Variants in TBCA observed in about 807,000 individuals in gnomAD.
TBCA encodes tubulin folding cofactor A.
In TBCA, 6 loss-of-function variants were observed where a neutral mutation model predicts 15.8. The observed-to-expected ratio is 0.38, with a 90% CI of 0.21 to 0.75. The LOEUF (loss-of-function observed/expected upper bound fraction) is 0.75. TBCA is among the 30% of genes least tolerant of loss of function. TBCA has a pLI of 0.46. For missense variants in TBCA, 90 were observed against 131.2 expected, an observed-to-expected ratio of 0.69 and a Z score of 1.53; for synonymous variants, 32 against 42.3, an observed-to-expected ratio of 0.76 and a Z score of 0.94.
intron 2 of TBCA, among the ~76,000 whole-genome samples, chr5:77,702,797 AG>A (rs1730232335): frequency 1.3e-5 from 2 of 152,260 alleles, no homozygotes; most frequent in South Asian, 2.1e-4. Flanking sequence ...ATCTATAACA[AG>A]AAATTTAAAA....
chr5:77,738,223 TC>T (rs1312663059), intron 1 of TBCA, among the ~76,000 whole-genome samples: 2 of 152,160 alleles, frequency 1.3e-5, no homozygotes, highest in African/African-American at 4.8e-5. Context: ...TGTCACTAAT[TC>T]CCTTCTAAAT....
chr5:77,744,320 T>C (rs1747119849), intron 1 of TBCA, among the ~76,000 whole-genome samples: 3 of 152,004 alleles, frequency 2.0e-5, no homozygotes, highest in African/African-American at 7.3e-5. Context: ...TACCATCTAG[T>C]GGGTAGACGT....
intron 2 of TBCA, chr5:77,694,217 G>T (rs1166109382): frequency 6.6e-6 from 1 of 152,198 alleles, no homozygotes; most frequent in Non-Finnish European, 1.5e-5. Context: ...TCATATTTTT[G>T]ATGCTTATCA....
intron 2 of TBCA, among the ~76,000 whole-genome samples, chr5:77,699,916 T>C (rs1175610880): frequency 6.8e-6 from 1 of 148,082 alleles, no homozygotes; most frequent in Non-Finnish European, 1.5e-5. Context: ...CAGGCGCATA[T>C]AATCCCAGCT....
rs760383250 is a variant in TBCA, at chr5:77,691,408, G to A, written c.*10C>T. On this transcript the variant is annotated 3_prime_UTR_variant, in exon 4 of 4. Coordinates refer to ENST00000380377, the MANE Select transcript of TBCA (RefSeq NM_004607.3). Reference sequence around the variant, plus strand: ...ATTTAATGCAAAAACCACCCCATACGAGAAAAGTTTCAGGCTTCTAACTTC... The same window carrying A: ...ATTTAATGCAAAAACCACCCCATACAAGAAAAGTTTCAGGCTTCTAACTTC... The A allele has an allele frequency of 2.6e-5, 41 of 1,590,630 alleles. No individual in the cohort carries two copies. In the East Asian group the frequency reaches 5.9e-4, roughly 23 times the overall value.
chr5:77,717,448 T>A (rs1346581314), intron 1 of TBCA, among the ~76,000 whole-genome samples: 1 of 114,038 alleles, frequency 8.8e-6, no homozygotes, highest in Non-Finnish European at 2.0e-5. Context: ...CAATCCCCAG[T>A]TTTATGGGGA....
intron 1 of TBCA, among the ~76,000 whole-genome samples, chr5:77,715,474 T>C (rs1218352365): frequency 6.6e-6 from 1 of 152,188 alleles, no homozygotes; most frequent in Non-Finnish European, 1.5e-5. Flanking sequence ...AGGTAGAAGA[T>C]ATTAATGATA....
intron 1 of TBCA, among the ~76,000 whole-genome samples, chr5:77,721,952 A>T (rs563425135): frequency 1.0e-3 from 152 of 152,192 alleles, no homozygotes; most frequent in African/African-American, 3.4e-3. Flanking sequence ...TAAACAGGAG[A>T]ATAGTATTGT....
intron 1 of TBCA, among the ~76,000 whole-genome samples, chr5:77,714,846 G>C (rs937362626): frequency 1.3e-5 from 2 of 152,000 alleles, no homozygotes; most frequent in Non-Finnish European, 2.9e-5. Flanking sequence ...GATTACAGAC[G>C]TGAGCCACTG....
At chr5:77,766,288 A>G (rs893870772) in intron 1 of TBCA, among the ~76,000 whole-genome samples, 1 of 152,148 alleles carries the variant, frequency 6.6e-6, no homozygotes, top group African/African-American at 2.4e-5. Context: ...GAACTGTAAT[A>G]ATTTTTAAAT....
In TBCA at chr5:77,756,024, A is replaced by AAC. The variant is rs1561282094; in HGVS notation, c.53+20180_53+20181insGT. On this transcript the variant is annotated intron_variant, in intron 1 of 3. Coordinates refer to ENST00000380377, the MANE Select transcript of TBCA (RefSeq NM_004607.3). ...TTATCTCAAAAAACAACAACAACAA[A>AAC]AAAAAAAACACAAATGGGTTGCCCA... 1.3e-3 allele frequency among the ~76,000 whole-genome samples: 199 copies of AAC among 152,114 alleles called. 1 individual carries two copies. The highest frequency in any genetic ancestry group is 4.6e-3 in the Admixed American group (71 of 15,286).
intron 1 of TBCA, among the ~76,000 whole-genome samples, chr5:77,754,190 T>C (rs558998306): frequency 1.3e-5 from 2 of 152,318 alleles, no homozygotes; most frequent in Admixed American, 1.3e-4. Flanking sequence ...TATTTTAGGA[T>C]AAAAATTCAC....
chr5:77,771,738 G>C (rs1017546136), intron 1 of TBCA, among the ~76,000 whole-genome samples: 4 of 152,088 alleles, frequency 2.6e-5, no homozygotes, highest in African/African-American at 9.7e-5. Flanking sequence ...CATTCAACCT[G>C]CCTGTCCACA....
intron 3 of TBCA, chr5:77,692,420 T>C: frequency 1.0e-6 from 1 of 972,456 alleles, no homozygotes; most frequent in Non-Finnish European, 1.2e-6. Context: ...CACATACAAA[T>C]ATATCATCCA....
chr5:77,724,624 A>G (rs983423691), intron 1 of TBCA, among the ~76,000 whole-genome samples: 1 of 152,154 alleles, frequency 6.6e-6, no homozygotes, highest in Non-Finnish European at 1.5e-5. Flanking sequence ...TCACACTTCA[A>G]CAAAGTCATA....
At chr5:77,709,434 A>C (rs1746224541) in intron 1 of TBCA, among the ~76,000 whole-genome samples, 1 of 152,202 alleles carries the variant, frequency 6.6e-6, no homozygotes, top group African/African-American at 2.4e-5. Flanking sequence ...GTATAGTCTA[A>C]GAAAATATTA....
chr5:77,713,086 G>GA (rs2112445318), intron 1 of TBCA, among the ~76,000 whole-genome samples: 1 of 152,236 alleles, frequency 6.6e-6, no homozygotes, highest in East Asian at 1.9e-4. Flanking sequence ...TTGAGGCCAG[G>GA]AGTCTGAGAC....
intron 1 of TBCA, among the ~76,000 whole-genome samples, chr5:77,740,388 T>C (rs941307018): frequency 2.0e-5 from 3 of 152,078 alleles, no homozygotes; most frequent in African/African-American, 7.2e-5. Flanking sequence ...AGAGTGGTAG[T>C]AATCCAGGAG....
At chr5:77,696,679 TAGGA>T (rs1745878195) in intron 2 of TBCA, among the ~76,000 whole-genome samples, 1 of 152,146 alleles carries the variant, frequency 6.6e-6, no homozygotes, top group South Asian at 2.1e-4. Flanking sequence ...CCCAGCACTT[TAGGA>T]GGCCAAGGCA....
Sources: allele counts gnomAD v4.1 joint callset (sites outside exome capture counted in the v4.1 genomes callset), GRCh38; gene constraint gnomAD v4.1.1; transcripts MANE v1.5; gene names NCBI Gene and HGNC (gene_info 2026-07-23, HGNC 2026-07-21).